The following ANAPC5 variants were observed in gnomAD, a reference collection of about 807,000 sequenced individuals.
ANAPC5 encodes anaphase-promoting complex subunit 5.
Under a neutral mutation model 91.3 loss-of-function variants are expected in ANAPC5, and 60 were observed. That is an observed-to-expected ratio of 0.66 (90% CI 0.53 to 0.81). The LOEUF is 0.81. Among genes scored for constraint, ANAPC5 ranks in the 40% least tolerant of loss-of-function variants. ANAPC5 has a pLI of 0.00. For missense variants in ANAPC5, 690 were observed against 931.5 expected (o/e 0.74, Z 3.37); for synonymous variants, 340 against 364.1 (o/e 0.93, Z 0.75).
Position 121,342,098 on chromosome 12 carries a change from A to G in ANAPC5, c.591-29T>C, listed in dbSNP as rs1903481426. On this transcript the variant is annotated intron_variant, in intron 4 of 16. Coordinates refer to ENST00000261819, the MANE Select transcript of ANAPC5 (RefSeq NM_016237.5). The surrounding 1 kb of genome is among the most constrained non-coding windows in gnomAD (Gnocchi z 4.1). ...GAAAAAATAAAAAAACAAAAATAGT[A>G]AAGAATTACACAAAAGTAAAAATGA... 2.7e-6 allele frequency: 4 copies of G among 1,477,774 alleles called. No individual in the cohort carries two copies. Among genetic ancestry groups the G allele is most frequent in the Non-Finnish European group, 3.7e-6 (4 of 1,075,560 alleles). The allele number at this position is 1,477,774 out of a possible 1,614,324, so 91.5% of individuals were successfully genotyped here.
intron 4 of ANAPC5, 98 bp downstream of exon 4, chr12:121,345,741 A>G (rs2136817472): frequency 7.8e-7 from 1 of 1,275,552 alleles, no homozygotes; most frequent in East Asian, 2.3e-5. Context: ...TAAAAAGGGC[A>G]TAAGCCAGCA....
chr12:121,341,627 T>A (rs1237749835), intron 5 of ANAPC5, among the ~76,000 whole-genome samples: 2 of 152,160 alleles, frequency 1.3e-5, no homozygotes, highest in Non-Finnish European at 2.9e-5. Context: ...AAAATATTAA[T>A]TGTAGAATCG....
intron 5 of ANAPC5, among the ~76,000 whole-genome samples, chr12:121,340,142 T>C (rs1478318577): frequency 6.6e-6 from 1 of 151,438 alleles, no homozygotes; most frequent in Non-Finnish European, 1.5e-5. Context: ...CATGGCAAAA[T>C]CCCGTCTCTA....
intron 15 of ANAPC5, 93 bp from the exon 16 acceptor site, chr12:121,309,956 T>A: frequency 7.8e-7 from 1 of 1,281,904 alleles, no homozygotes; most frequent in Non-Finnish European, 1.1e-6. Context: ...CCTGAATGGC[T>A]ATCTCTGGCT....
At position 121,308,245 on chromosome 12, in the gene ANAPC5, T is replaced by C. The variant is rs1024427243; in HGVS notation, c.*235A>G. The C allele has an allele frequency of 2.2e-5, 11 of 499,014 alleles. No individual in the cohort carries two copies. Among genetic ancestry groups the C allele is most frequent in the Non-Finnish European group, 3.6e-5 (10 of 275,006 alleles). The allele number at this position is 499,014 out of a possible 1,614,324, so 30.9% of individuals were successfully genotyped here. A position where few individuals can be genotyped will look rare whatever the true frequency, so the allele number is the denominator to read the frequency against. On this transcript the variant is annotated 3_prime_UTR_variant, in exon 17 of 17. Transcript: ENST00000261819. Reference sequence around the variant, plus strand: ...CATAATCTGAGATGCTTGCACTAACTTGTTAGCAAAATACCCATTTATTAA... The same window carrying C: ...CATAATCTGAGATGCTTGCACTAACCTGTTAGCAAAATACCCATTTATTAA...
At chr12:121,326,971 T>C in intron 11 of ANAPC5, 125 bp downstream of exon 11, 1 of 1,299,618 alleles carries the variant, frequency 7.7e-7, no homozygotes, top group Non-Finnish European at 1.0e-6. Context: ...GGGATTTCAC[T>C]CTTTCAGCCA....
At chr12:121,320,522 T>TG in intron 11 of ANAPC5, 63 bp from the exon 12 acceptor site, 5 of 1,380,258 alleles carry the variant, frequency 3.6e-6, no homozygotes, top group Non-Finnish European at 5.1e-6. Flanking sequence ...TGCTGTACCA[T>TG]GCACAGATGG....
intron 10 of ANAPC5, chr12:121,327,498 C>G (rs1902867318): frequency 6.4e-6 from 3 of 466,126 alleles, no homozygotes; most frequent in Non-Finnish European, 1.1e-5. Context: ...GCCCCCACCC[C>G]ATGTTCCCTG....
chr12:121,350,975 GTAAC>G, intron 1 of ANAPC5: 1 of 371,254 alleles, frequency 2.7e-6, no homozygotes, highest in South Asian at 1.9e-5. Context: ...CTACATGCTA[GTAAC>G]AGTTTCTACT....
Position 121,352,344 on chromosome 12 carries a change from GGCCCGAGAC to G in ANAPC5, c.-13_-5del, listed in dbSNP as rs1555275521. ...GGCTCTCGTGGACGCTGGCCATGGC[GGCCCGAGAC>G]TAAGTCTCGGGCCCGCGGCGCGCTG... On this transcript the variant is annotated 5_prime_UTR_variant, in exon 1 of 17. Transcript: ENST00000261819. 2 of 1,593,728 alleles carry G rather than the reference GGCCCGAGAC, an allele frequency of 1.3e-6. No individual in the cohort carries two copies. The highest frequency in any genetic ancestry group is 1.3e-5 in the African/African-American group (1 of 74,214).
Position 121,330,662 on chromosome 12 carries a change from T to C in ANAPC5, c.1043A>G (p.Tyr348Cys), listed in dbSNP as rs1593590269. The C allele has an allele frequency of 6.2e-7, 1 of 1,614,068 alleles. No homozygotes were observed. The highest frequency in any genetic ancestry group is 1.6e-4 in the Middle Eastern group (1 of 6,062). ...ATCGGATCTCTTCTGCCCCAGCACA[T>C]AAAGCCAGCTCTGGCAAGAGAAATC... ...VCLQHCLSWL[Y>C]VLGQKRSDSY... Residue 348 changes from tyrosine (Y) to cysteine (C), a missense_variant, in exon 9 of 17, where the codon TAT (tyrosine) becomes TGT (cysteine). Tyr to Cys is a radical substitution (Grantham distance 194). Transcript: ENST00000261819.
chr12:121,321,530 TC>T (rs1171051951), intron 11 of ANAPC5, among the ~76,000 whole-genome samples: 1 of 132,428 alleles, frequency 7.6e-6, no homozygotes, highest in Non-Finnish European at 1.5e-5. Flanking sequence ...CTATACAAAA[TC>T]CTTTTTTTTT....
At chr12:121,348,116 G>A (rs1903741927) in intron 1 of ANAPC5, among the ~76,000 whole-genome samples, 1 of 152,144 alleles carries the variant, frequency 6.6e-6, no homozygotes, top group Non-Finnish European at 1.5e-5. Context: ...TATAGTCTGA[G>A]GATCCACTGT....
At chr12:121,322,944 G>A (rs1298980379) in intron 11 of ANAPC5, among the ~76,000 whole-genome samples, 1 of 152,122 alleles carries the variant, frequency 6.6e-6, no homozygotes, top group Non-Finnish European at 1.5e-5. Flanking sequence ...AGAATCGCTT[G>A]AACCCAGGAG....
intron 11 of ANAPC5, 142 bp from the exon 12 acceptor site, chr12:121,320,601 TTTTC>T (rs977740923): frequency 2.1e-4 from 122 of 585,960 alleles, no homozygotes; most frequent in Middle Eastern, 5.9e-4. Flanking sequence ...CTCAAATTTC[TTTTC>T]TTTCTTTTTT....
intron 11 of ANAPC5, among the ~76,000 whole-genome samples, chr12:121,324,545 G>GA (rs1198225820): frequency 2.6e-5 from 4 of 151,494 alleles, no homozygotes; most frequent in Admixed American, 1.3e-4. Flanking sequence ...CTTACTCCCA[G>GA]AAAAAAAAGA....
chr12:121,325,795 A>T (rs1303510328), intron 11 of ANAPC5, among the ~76,000 whole-genome samples: 3 of 152,210 alleles, frequency 2.0e-5, no homozygotes, highest in Non-Finnish European at 4.4e-5. Context: ...TGAACCCCAG[A>T]GGCAGAGGTT....
rs1555274852 is a variant in ANAPC5, at chr12:121,347,896, G to C, written c.208-15C>G. On this transcript the variant is annotated splice_polypyrimidine_tract_variant and intron_variant, in intron 1 of 16. Transcript: ENST00000261819. ...ATATCTGGGCCCTGTGTAAAGGAGA[G>C]ATAGGGAGGTATGGATTTTAAAGAG... 2 of 1,564,742 alleles carry C rather than the reference G, an allele frequency of 1.3e-6. No individual in the cohort carries two copies. The highest frequency in any genetic ancestry group is 1.1e-5 in the South Asian group (1 of 89,636).
chr12:121,323,268 G>GCCA (rs1902689665), intron 11 of ANAPC5, among the ~76,000 whole-genome samples: 2 of 151,872 alleles, frequency 1.3e-5, no homozygotes, highest in South Asian at 4.2e-4. Context: ...ATGTTTTTGG[G>GCCA]CCATGCTTTC....
Sources: gnomAD v4.1 joint callset for allele counts (sites outside exome capture counted in the v4.1 genomes callset) on GRCh38, gnomAD v4.1.1 for gene constraint, Gnocchi (gnomAD v3.1) non-coding constraint, MANE v1.5 for transcripts, NCBI Gene and HGNC (gene_info 2026-07-23, HGNC 2026-07-21) for gene names.